The following FBXO42 variants were observed in gnomAD, a reference collection of about 807,000 sequenced individuals.
FBXO42 encodes F-box protein 42, also known as F-box only protein 42.
Under a neutral mutation model 71.7 loss-of-function variants are expected in FBXO42, and 12 were observed. The observed-to-expected ratio is 0.17, with a 90% CI of 0.11 to 0.27. The LOEUF (loss-of-function observed/expected upper bound fraction) is 0.27. Ranked by LOEUF, FBXO42 falls within the 10% of genes least tolerant of loss-of-function variation. FBXO42 has a pLI of 1.00. For synonymous variants in FBXO42, 325 were observed against 327.5 expected, an observed-to-expected ratio of 0.99 and a Z score of 0.08; for missense variants, 707 against 911.9, an observed-to-expected ratio of 0.78 and a Z score of 2.89.
At chr1:16,325,393 CTA>C (rs1045248038) in intron 1 of FBXO42, among the ~76,000 whole-genome samples, 11 of 151,896 alleles carry the variant, frequency 7.2e-5, no homozygotes, top group Non-Finnish European at 1.2e-4. Context: ...TATTGACAGT[CTA>C]TGTTTTGACC....
In FBXO42 at chr1:16,261,394, T is replaced by A. The variant is rs959505484; in HGVS notation, c.503-4635A>T. ...AACGACGTCTCAGATATCTTGACCT[T>A]TTAGAAAGGCAAAATCTTTCCCTCT... On this transcript the variant is annotated intron_variant, in intron 4 of 9. Transcript: ENST00000375592. Among the ~76,000 whole-genome samples the A allele has an allele frequency of 2.0e-5, 3 of 151,924 alleles. No individual in the cohort carries two copies. The East Asian group carries it at 5.8e-4, about 29-fold the overall frequency.
intron 3 of FBXO42, among the ~76,000 whole-genome samples, chr1:16,295,786 A>G (rs1179209547): frequency 1.3e-5 from 2 of 152,212 alleles, no homozygotes; most frequent in Non-Finnish European, 2.9e-5. Flanking sequence ...GAAGAAATAC[A>G]GTTTTTATTA....
chr1:16,339,407 G>A (rs192353801), intron 1 of FBXO42, among the ~76,000 whole-genome samples: 1 of 151,882 alleles, frequency 6.6e-6, no homozygotes, highest in African/African-American at 2.4e-5. Flanking sequence ...CCGCCACCTG[G>A]GTTCAAGTGA....
intron 1 of FBXO42, among the ~76,000 whole-genome samples, chr1:16,316,881 T>C (rs966936153): frequency 1.3e-5 from 2 of 152,060 alleles, no homozygotes; most frequent in African/African-American, 4.8e-5. Flanking sequence ...TGAATGTCTA[T>C]CAACAACAGA....
chr1:16,291,382 TA>T (rs1268205085), intron 4 of FBXO42, among the ~76,000 whole-genome samples: 1 of 152,056 alleles, frequency 6.6e-6, no homozygotes, highest in African/African-American at 2.4e-5. Flanking sequence ...TTTTTTTTTT[TA>T]ATTTATTATT....
At chr1:16,338,331 G>C (rs1188635815) in intron 1 of FBXO42, among the ~76,000 whole-genome samples, 1 of 136,400 alleles carries the variant, frequency 7.3e-6, no homozygotes, top group Non-Finnish European at 1.5e-5. Context: ...TGTAGCCTGA[G>C]GAACAGAGTA....
chr1:16,313,060 G>C (rs2082328330), intron 2 of FBXO42, among the ~76,000 whole-genome samples: 1 of 152,032 alleles, frequency 6.6e-6, no homozygotes, highest in Admixed American at 6.6e-5. Context: ...CTCCCAAAGT[G>C]CTGGGATTAC....
At chr1:16,308,505 T>TC (rs1270125460) in intron 2 of FBXO42, among the ~76,000 whole-genome samples, 5 of 150,020 alleles carry the variant, frequency 3.3e-5, no homozygotes, top group Non-Finnish European at 7.4e-5. Context: ...TTTTTTTTTT[T>TC]TTTTTTTTCC....
At chr1:16,322,030 C>T (rs2082413185) in intron 1 of FBXO42, among the ~76,000 whole-genome samples, 1 of 151,816 alleles carries the variant, frequency 6.6e-6, no homozygotes, top group African/African-American at 2.4e-5. Flanking sequence ...ATTAGTCAGG[C>T]GTGGTGGCAG....
chr1:16,331,840 C>A (rs946273535), intron 1 of FBXO42, among the ~76,000 whole-genome samples: 1 of 151,818 alleles, frequency 6.6e-6, no homozygotes, highest in African/African-American at 2.4e-5. Context: ...CACCTGAGGT[C>A]AGGAGTTCGA....
chr1:16,281,767 C>T (rs932332142), intron 4 of FBXO42, among the ~76,000 whole-genome samples: 1 of 151,826 alleles, frequency 6.6e-6, no homozygotes, highest in Non-Finnish European at 1.5e-5. Flanking sequence ...AGCGATTCTC[C>T]TGCCTCAGCC....
rs913514507 is a variant in FBXO42, at chr1:16,352,469, A to C, written c.-232T>G. 17 of 396,616 alleles carry C rather than the reference A, an allele frequency of 4.3e-5. No individual in the cohort carries two copies. Among genetic ancestry groups the C allele is most frequent in the Non-Finnish European group, 7.1e-5 (16 of 224,914 alleles). The allele number at this position is 396,616 out of a possible 1,614,324, so 24.6% of individuals were successfully genotyped here. ...CAGCTGCTGCTGCTCAGGCCGGGAGAAGACAGCGCAGAGCGCGCATGCGCC... is the reference window on the plus strand; with the variant it reads ...CAGCTGCTGCTGCTCAGGCCGGGAGCAGACAGCGCAGAGCGCGCATGCGCC... On this transcript the variant is annotated 5_prime_UTR_variant, in exon 1 of 10. Transcript: ENST00000375592.
At chr1:16,316,577 A>G (rs1161032933) in intron 1 of FBXO42, among the ~76,000 whole-genome samples, 1 of 151,808 alleles carries the variant, frequency 6.6e-6, no homozygotes, top group African/African-American at 2.4e-5. Context: ...CTCTACTAAA[A>G]TACAAAAATT....
chr1:16,296,333 AAAGG>A (rs2082129266), intron 3 of FBXO42, among the ~76,000 whole-genome samples: 1 of 152,206 alleles, frequency 6.6e-6, no homozygotes, highest in African/African-American at 2.4e-5. Flanking sequence ...GTGTCATATA[AAAGG>A]AAGGGGAAAG....
At chr1:16,299,659 T>C (rs548214466) in intron 3 of FBXO42, among the ~76,000 whole-genome samples, 1 of 151,998 alleles carries the variant, frequency 6.6e-6, no homozygotes, top group Non-Finnish European at 1.5e-5. Flanking sequence ...ATTATTATTT[T>C]TTTGAGATGG....
chr1:16,341,809 T>C (rs2082607446), intron 1 of FBXO42, among the ~76,000 whole-genome samples: 1 of 146,534 alleles, frequency 6.8e-6, no homozygotes, highest in Non-Finnish European at 1.5e-5. Flanking sequence ...CCGTCTCTAC[T>C]AAAAATACAA....
intron 1 of FBXO42, among the ~76,000 whole-genome samples, chr1:16,329,668 G>T (rs1193579912): frequency 2.0e-5 from 3 of 150,824 alleles, no homozygotes; most frequent in Non-Finnish European, 3.0e-5. Flanking sequence ...AAAAAAAAAA[G>T]GCTGGGTGCG....
chr1:16,305,209 A>AC (rs1308458676), intron 3 of FBXO42, among the ~76,000 whole-genome samples: 1 of 151,166 alleles, frequency 6.6e-6, no homozygotes, highest in Non-Finnish European at 1.5e-5. Context: ...ATACAGTGAG[A>AC]CCCCATCTCT....
At chr1:16,297,866 C>CAAAA (rs34942089) in intron 3 of FBXO42, among the ~76,000 whole-genome samples, 1 of 74,562 alleles carries the variant, frequency 1.3e-5, no homozygotes, top group Non-Finnish European at 2.5e-5. Flanking sequence ...GACTCCATCT[C>CAAAA]AAAAAAAAAA....
Sources: gnomAD v4.1 joint callset for allele counts (sites outside exome capture counted in the v4.1 genomes callset) on GRCh38, gnomAD v4.1.1 for gene constraint, MANE v1.5 for transcripts, NCBI Gene and HGNC (gene_info 2026-07-23, HGNC 2026-07-21) for gene names.